Variants in RNF14 observed in about 807,000 individuals in gnomAD.
RNF14 encodes the protein ring finger protein 14.
Under a neutral mutation model 52.6 loss-of-function variants are expected in RNF14, and 26 were observed. The observed-to-expected ratio is 0.49, with a 90% CI of 0.36 to 0.69. The LOEUF (loss-of-function observed/expected upper bound fraction) is 0.69, where lower values mean the gene tolerates loss of function less well. RNF14 is among the 30% of genes least tolerant of loss of function. RNF14 has a pLI of 0.00. For missense variants in RNF14, 404 were observed against 560.4 expected (o/e 0.72, Z 2.82); for synonymous variants, 194 against 202.0 (o/e 0.96, Z 0.34).
chr5:141,951,411 C>G, the RNF14 span: 3 of 1,034,408 alleles, frequency 2.9e-6, no homozygotes, highest in Non-Finnish European at 4.6e-6. Context: ...TGTGCTCACC[C>G]TTCCTCACTC....
intron 2 of RNF14, among the ~76,000 whole-genome samples, chr5:141,972,883 G>A (rs777511946): frequency 1.1e-4 from 17 of 152,196 alleles, no homozygotes; most frequent in Middle Eastern, 3.4e-3. Context: ...GAGCCACCGC[G>A]CCTGGCAAAT....
rs367880202 is a variant in RNF14, at chr5:141,974,829, T to C, written c.180T>C (p.Asn60=). Reference sequence around the variant, plus strand: ...GCAATTCAAATGAGTGTCTCCAGAATAGTGGCTTTGAATACACCATTTGCT... The same window carrying C: ...GCAATTCAAATGAGTGTCTCCAGAACAGTGGCTTTGAATACACCATTTGCT... ...VSGNSNECLQ[N]SGFEYTICFL... The change falls in exon 4 of 9, where the codon AAT becomes AAC. Residue 60 remains asparagine, a synonymous_variant. Transcript: ENST00000394520. 2 of 1,614,058 alleles carry C rather than the reference T, an allele frequency of 1.2e-6. No homozygotes were observed. Among genetic ancestry groups the C allele is most frequent in the Admixed American group, 1.7e-5 (1 of 60,014 alleles).
chr5:141,983,325 T>C (rs1186851493), intron 6 of RNF14, 55 bp from the exon 7 acceptor site: 2 of 1,360,444 alleles, frequency 1.5e-6, no homozygotes, highest in Non-Finnish European at 1.0e-6. Context: ...TTTTAATGAT[T>C]TTTGGTCAGC....
At chr5:141,957,883 C>G, upstream of RNF14, 5 of 1,574,374 alleles carry the variant, frequency 3.2e-6, no homozygotes, top group Non-Finnish European at 4.3e-6. This position sits in a 1 kb window ranked among gnomAD's most constrained non-coding sequence, Gnocchi z 4.3. Flanking sequence ...ATTCAGAAAC[C>G]ACTAGAGTTC....
intron 5 of RNF14, among the ~76,000 whole-genome samples, 173 bp from the exon 6 acceptor site, chr5:141,979,950 G>C (rs925830766): frequency 7.9e-5 from 12 of 152,168 alleles, no homozygotes; most frequent in African/African-American, 2.4e-4. Flanking sequence ...TAACAAATGT[G>C]TAGACCCCTA....
rs572787689 is a variant in RNF14 at position 141,988,887 on chromosome 5, T to G, written c.*1097T>G. ...GCAACAGCAGTGTTCTGGGTGATAA[T>G]TTTGAATTGATACCTGTTCCTTTTT... is the stretch of plus-strand genomic sequence containing the variant. On this transcript the variant is annotated 3_prime_UTR_variant, in exon 9 of 9. Coordinates refer to ENST00000394520, the MANE Select transcript of RNF14 (RefSeq NM_004290.5). The G allele has an allele frequency of 6.6e-6, 1 of 152,510 alleles. No homozygotes were observed. The highest frequency in any genetic ancestry group is 1.9e-4 in the East Asian group (1 of 5,326). 9.4% of individuals were successfully genotyped at this position (152,510 alleles called of 1,614,324 possible).
intron 7 of RNF14, 130 bp from the exon 8 acceptor site, chr5:141,984,673 C>T (rs11746000): frequency 1.4e-5 from 10 of 740,590 alleles, no homozygotes; most frequent in Non-Finnish European, 2.3e-5. Context: ...CAGTGTGTTA[C>T]ATTGATATCT....
At chr5:141,957,982 C>T, upstream of RNF14, 1 of 1,036,230 alleles carries the variant, frequency 9.7e-7, no homozygotes, top group Non-Finnish European at 1.4e-6. The surrounding 1 kb of genome is among the most constrained non-coding windows in gnomAD (Gnocchi z 4.3). Flanking sequence ...ACAACCTTGT[C>T]CCATAGTTAG....
At chr5:141,965,331 T>C (rs1294472446), upstream of RNF14, among the ~76,000 whole-genome samples, 1 of 152,122 alleles carries the variant, frequency 6.6e-6, no homozygotes, top group East Asian at 1.9e-4. Flanking sequence ...TCACTTCTAC[T>C]CTCCACTCCG....
chr5:141,954,299 G>A (rs1471026479), upstream of RNF14, among the ~76,000 whole-genome samples: 1 of 152,186 alleles, frequency 6.6e-6, no homozygotes. Context: ...GCAACACCTG[G>A]GTTTGGGTGC....
Position 141,974,801 on chromosome 5 carries a change from C to T in RNF14, c.155-3C>T. The T allele has an allele frequency of 1.2e-6, 2 of 1,613,626 alleles. No homozygotes were observed. Among genetic ancestry groups the T allele is most frequent in the Non-Finnish European group, 1.7e-6 (2 of 1,179,712 alleles). On this transcript the variant is annotated splice_polypyrimidine_tract_variant and splice_region_variant and intron_variant, in intron 3 of 8. Coordinates refer to ENST00000394520, the MANE Select transcript of RNF14 (RefSeq NM_004290.5). ...TCCTTTCTAATCTTTGTTTTTGGTTCAGGCAATTCAAATGAGTGTCTCCAG... is the reference window on the plus strand; with the variant it reads ...TCCTTTCTAATCTTTGTTTTTGGTTTAGGCAATTCAAATGAGTGTCTCCAG...
At chr5:141,964,876 C>T (rs2126941419), upstream of RNF14, among the ~76,000 whole-genome samples, 1 of 151,840 alleles carries the variant, frequency 6.6e-6, no homozygotes, top group Admixed American at 6.6e-5. Context: ...GTCCACCTGC[C>T]TCGGCCTCCC....
chr5:141,976,947 C>T (rs1429105364), intron 4 of RNF14, among the ~76,000 whole-genome samples: 4 of 152,124 alleles, frequency 2.6e-5, no homozygotes, highest in Non-Finnish European at 5.9e-5. Context: ...CGCCACCACA[C>T]CTGGCTAATT....
At chr5:141,953,155 A>G in the RNF14 span, 8 of 152,248 alleles carry the variant, frequency 5.3e-5, no homozygotes, top group African/African-American at 1.9e-4. Context: ...GTCACTTCAC[A>G]GTTACAGCCC....
At chr5:141,981,603 T>G (rs1754780191) in intron 6 of RNF14, 1 of 152,096 alleles carries the variant, frequency 6.6e-6, no homozygotes, top group African/African-American at 2.4e-5. Context: ...GTGGCTCACC[T>G]CTGTAATCTC....
In RNF14 at chr5:141,978,355, G is replaced by T; in HGVS notation, c.359G>T (p.Ser120Ile). ...LDNLWEEHRG[S>I]VVLFAWMQFL... ...AACCTATGGGAAGAACACCGTGGCA[G>T]CGTGGTCCTGTTTGCCTGGATGCAA... is the stretch of plus-strand genomic sequence containing the variant. The change falls in exon 5 of 9, where the codon AGC (serine) becomes ATC (isoleucine). Residue 120 changes from serine to isoleucine, a missense_variant. Ser to Ile is a moderately radical substitution (Grantham distance 142, BLOSUM62 -2). Coordinates refer to ENST00000394520, the MANE Select transcript of RNF14 (RefSeq NM_004290.5). The T allele has an allele frequency of 6.2e-7, 1 of 1,613,828 alleles. No homozygotes were observed.
At chr5:141,964,780 A>ATTTTT (rs67577436), upstream of RNF14, among the ~76,000 whole-genome samples, 1 of 137,676 alleles carries the variant, frequency 7.3e-6, no homozygotes, top group Non-Finnish European at 1.6e-5. Context: ...AGCCCGGCTA[A>ATTTTT]TTTTTTTTTT....
At chr5:141,985,578 CAG>C (rs1358437054) in intron 8 of RNF14, among the ~76,000 whole-genome samples, 1 of 151,132 alleles carries the variant, frequency 6.6e-6, no homozygotes, top group African/African-American at 2.4e-5. Flanking sequence ...TTTGTTGAGT[CAG>C]AGTCTCGCTC....
chr5:141,972,261 A>G (rs1045316813), intron 2 of RNF14, among the ~76,000 whole-genome samples: 1 of 149,880 alleles, frequency 6.7e-6, no homozygotes, highest in Non-Finnish European at 1.5e-5. Flanking sequence ...ACAGGGTCCC[A>G]CTTTGTCACT....
Sources: allele counts gnomAD v4.1 joint callset (sites outside exome capture counted in the v4.1 genomes callset), GRCh38; gene constraint gnomAD v4.1.1; non-coding constraint Gnocchi (gnomAD v3.1); transcripts MANE v1.5; gene names NCBI Gene and HGNC (gene_info 2026-07-23, HGNC 2026-07-21).